NRG3: variants seen among roughly 807,000 people sequenced by gnomAD.
The protein encoded by NRG3 is neuregulin 3.
NRG3 carries 31 observed loss-of-function variants against 66.9 expected under a neutral mutation model. The ratio of observed to expected loss-of-function variants is 0.46; its 90% CI spans 0.35 to 0.63. The LOEUF (loss-of-function observed/expected upper bound fraction) is 0.63, where lower values mean the gene tolerates loss of function less well. NRG3 is among the 20% of genes least tolerant of loss of function. The probability of loss-of-function intolerance (pLI) is 0.00; values close to 1 mark genes in which losing one functional copy is unlikely to be tolerated. For missense variants in NRG3, 910 were observed against 878.9 expected (o/e 1.04, Z -0.45); for synonymous variants, 393 against 359.4 (o/e 1.09, Z -1.06).
intron 2 of NRG3, among the ~76,000 whole-genome samples, chr10:82,721,219 C>T (rs1392018413): frequency 7.0e-6 from 1 of 143,734 alleles, no homozygotes; most frequent in Non-Finnish European, 1.5e-5. Context: ...GCAAGCTCCA[C>T]CTCCCAGGTT....
At chr10:82,087,406 A>T (rs1316286023) in intron 1 of NRG3, among the ~76,000 whole-genome samples, 1 of 152,044 alleles carries the variant, frequency 6.6e-6, no homozygotes, top group Non-Finnish European at 1.5e-5. Context: ...TAATCTCTGA[A>T]CTAACTGTTC....
intron 2 of NRG3, among the ~76,000 whole-genome samples, chr10:82,735,829 G>A (rs1016621920): frequency 2.0e-5 from 3 of 152,050 alleles, no homozygotes; most frequent in Non-Finnish European, 4.4e-5. Flanking sequence ...CCTGGATGTC[G>A]GGTTGGTGGG....
At chr10:81,969,603 T>C (rs918699984) in intron 1 of NRG3, among the ~76,000 whole-genome samples, 8 of 152,244 alleles carry the variant, frequency 5.3e-5, no homozygotes, top group Non-Finnish European at 1.2e-4. Context: ...ATACTTGTAG[T>C]TGACAAGAGT....
At chr10:82,706,070 C>T (rs543761780) in intron 2 of NRG3, among the ~76,000 whole-genome samples, 34 of 152,126 alleles carry the variant, frequency 2.2e-4, no homozygotes, top group African/African-American at 8.0e-4. Context: ...AAGCTTTCCT[C>T]CCCTGATCAA....
chr10:82,358,968 C>G, intron 2 of NRG3, 100 bp downstream of exon 2: 1 of 1,506,868 alleles, frequency 6.6e-7, no homozygotes, highest in Non-Finnish European at 9.1e-7. Context: ...CCGGGATACA[C>G]ACAGTCCCAC....
chr10:82,744,329 G>T (rs921302538), intron 3 of NRG3, among the ~76,000 whole-genome samples: 21 of 152,142 alleles, frequency 1.4e-4, no homozygotes, highest in Non-Finnish European at 2.5e-4. Flanking sequence ...TCTCACTATT[G>T]TGAATGCTAG....
At chr10:82,698,384 T>C (rs1168244121) in intron 2 of NRG3, among the ~76,000 whole-genome samples, 1 of 152,110 alleles carries the variant, frequency 6.6e-6, no homozygotes, top group Non-Finnish European at 1.5e-5. Flanking sequence ...GTACCCCACC[T>C]TGGAATCTTA....
At chr10:82,334,001 C>T (rs1342099357) in intron 1 of NRG3, among the ~76,000 whole-genome samples, 1 of 151,868 alleles carries the variant, frequency 6.6e-6, no homozygotes, top group Non-Finnish European at 1.5e-5. Context: ...CACGGTGAAA[C>T]CCCGTCTCTA....
intron 1 of NRG3, among the ~76,000 whole-genome samples, chr10:82,351,608 T>C (rs976443989): frequency 2.6e-5 from 4 of 152,194 alleles, no homozygotes; most frequent in African/African-American, 9.7e-5. Context: ...CAAATGGCCA[T>C]GTTCTTTCCT....
intron 1 of NRG3, among the ~76,000 whole-genome samples, chr10:82,078,517 A>AT (rs1315002565): frequency 6.6e-6 from 1 of 151,944 alleles, no homozygotes; most frequent in African/African-American, 2.4e-5. Flanking sequence ...CACCCGGCTA[A>AT]TTTTTTGTGT....
At chr10:82,294,172 T>C (rs963710493) in intron 1 of NRG3, among the ~76,000 whole-genome samples, 3 of 152,218 alleles carry the variant, frequency 2.0e-5, no homozygotes, top group Non-Finnish European at 4.4e-5. Flanking sequence ...AGCCTCAGTC[T>C]TCTCTGATGG....
intron 3 of NRG3, among the ~76,000 whole-genome samples, chr10:82,848,622 G>A (rs1022807129): frequency 1.3e-5 from 2 of 152,102 alleles, no homozygotes; most frequent in Non-Finnish European, 2.9e-5. Flanking sequence ...TGAATTATGA[G>A]GACATGAGAT....
At chr10:82,441,646 G>A (rs375945566) in intron 2 of NRG3, among the ~76,000 whole-genome samples, 4 of 152,110 alleles carry the variant, frequency 2.6e-5, no homozygotes, top group Non-Finnish European at 5.9e-5. Flanking sequence ...GAGGATCCCC[G>A]CAAATCTTTA....
At chr10:82,688,842 G>A (rs1251410823) in intron 2 of NRG3, among the ~76,000 whole-genome samples, 2 of 151,192 alleles carry the variant, frequency 1.3e-5, no homozygotes, top group African/African-American at 4.9e-5. Context: ...ACATTTTATT[G>A]TTGTGTATTA....
At chr10:81,933,108 A>C (rs1847537768) in intron 1 of NRG3, among the ~76,000 whole-genome samples, 1 of 119,006 alleles carries the variant, frequency 8.4e-6, no homozygotes, top group Non-Finnish European at 1.7e-5. Flanking sequence ...GCTCCATCTC[A>C]AAAAAAAAAA....
chr10:82,691,158 C>T (rs565723976), intron 2 of NRG3, among the ~76,000 whole-genome samples: 2 of 152,180 alleles, frequency 1.3e-5, no homozygotes, highest in African/African-American at 4.8e-5. Flanking sequence ...TCTAGAAAAC[C>T]CTCAAAGAAA....
At chr10:81,911,600 CTTGTT>C (rs1416170381) in intron 1 of NRG3, among the ~76,000 whole-genome samples, 1 of 112,138 alleles carries the variant, frequency 8.9e-6, no homozygotes, top group African/African-American at 3.4e-5. Flanking sequence ...CTAGCACAGA[CTTGTT>C]TTTTTTTTTT....
At chr10:82,688,357 C>T (rs766984934) in intron 2 of NRG3, among the ~76,000 whole-genome samples, 7 of 152,102 alleles carry the variant, frequency 4.6e-5, no homozygotes, top group East Asian at 1.9e-4. Flanking sequence ...GGTACCTAAT[C>T]GATGTTTGTT....
intron 2 of NRG3, among the ~76,000 whole-genome samples, chr10:82,682,135 G>A (rs1272785531): frequency 1.3e-5 from 2 of 152,188 alleles, no homozygotes; most frequent in South Asian, 4.1e-4. Flanking sequence ...GACTAGAGTA[G>A]GAGGAGGAAA....
Sources: gnomAD v4.1 joint callset for allele counts (sites outside exome capture counted in the v4.1 genomes callset) on GRCh38, gnomAD v4.1.1 for gene constraint, MANE v1.5 for transcripts, NCBI Gene and HGNC (gene_info 2026-07-23, HGNC 2026-07-21) for gene names.